Variants in DOCK9 observed in about 807,000 individuals in gnomAD.
DOCK9 encodes the protein dedicator of cytokinesis 9, also known as dedicator of cytokinesis protein 9.
Under a neutral mutation model 263.3 loss-of-function variants are expected in DOCK9, and 89 were observed. The ratio of observed to expected loss-of-function variants is 0.34; its 90% CI spans 0.28 to 0.40. The LOEUF (loss-of-function observed/expected upper bound fraction) is 0.40. DOCK9 is among the 10% of genes least tolerant of loss of function. The pLI, the probability that DOCK9 is intolerant of heterozygous loss-of-function variation, is 1.00. For missense variants in DOCK9, 2,140 were observed against 2,603.4 expected (o/e 0.82, Z 3.87); for synonymous variants, 976 against 973.1 (o/e 1.00, Z -0.06).
Position 98,984,708 on chromosome 13 carries a change from C to T in DOCK9, c.130-29157G>A, listed in dbSNP as rs372305549. Among the ~76,000 whole-genome samples, 254 of 152,246 alleles carry T rather than the reference C, an allele frequency of 1.7e-3. 9 individuals are homozygous for T. In the South Asian group the frequency reaches 0.048, roughly 29 times the overall value. On this transcript the variant is annotated intron_variant, in intron 1 of 32. Transcript: ENST00000427887. Reference sequence around the variant, plus strand: ...GAGGAAGCTCATGCTGGGGTTCTAGCCACTCACTATGCCCCACAACAGCTG... The same window carrying T: ...GAGGAAGCTCATGCTGGGGTTCTAGTCACTCACTATGCCCCACAACAGCTG...
intron 2 of DOCK9, 117 bp downstream of exon 2, chr13:98,955,318 C>CAAA: frequency 4.6e-6 from 3 of 653,444 alleles, no homozygotes; most frequent in Non-Finnish European, 6.9e-6. Flanking sequence ...GACTGTGTCT[C>CAAA]AAAAAAAATA....
chr13:98,973,402 G>T (rs531968316), intron 1 of DOCK9, among the ~76,000 whole-genome samples: 3 of 152,130 alleles, frequency 2.0e-5, no homozygotes, highest in Non-Finnish European at 4.4e-5. Context: ...TCCCAGATAA[G>T]GTACTGGTGT....
At chr13:98,913,662 G>A (rs1230998434) in intron 9 of DOCK9, among the ~76,000 whole-genome samples, 1 of 152,162 alleles carries the variant, frequency 6.6e-6, no homozygotes, top group Non-Finnish European at 1.5e-5. Context: ...TGTGGGAGAA[G>A]AAGAGAATGG....
chr13:98,850,476 A>C (rs950924587), intron 35 of DOCK9, among the ~76,000 whole-genome samples: 2 of 152,248 alleles, frequency 1.3e-5, no homozygotes, highest in African/African-American at 4.8e-5. Flanking sequence ...CTCCTACTAC[A>C]GGATCTCTCC....
intron 1 of DOCK9, among the ~76,000 whole-genome samples, chr13:99,061,837 A>C (rs1056015944): frequency 4.6e-5 from 7 of 151,956 alleles, no homozygotes; most frequent in Non-Finnish European, 8.8e-5. Context: ...TTGCTCATGT[A>C]ATAAGAGAGG....
At chr13:99,087,640 A>G (rs538532421), upstream of DOCK9, among the ~76,000 whole-genome samples, 2 of 152,312 alleles carry the variant, frequency 1.3e-5, no homozygotes, top group African/African-American at 4.8e-5. Context: ...CTCTCTGAGG[A>G]AGCCCGGCGC....
chr13:98,896,447 T>C (rs1360893934), intron 15 of DOCK9, among the ~76,000 whole-genome samples: 1 of 151,270 alleles, frequency 6.6e-6, no homozygotes, highest in Non-Finnish European at 1.5e-5. Flanking sequence ...CAATCATTCT[T>C]GAGTTCTAGA....
chr13:99,055,599 T>C (rs1036932534), intron 1 of DOCK9, among the ~76,000 whole-genome samples: 2 of 152,110 alleles, frequency 1.3e-5, no homozygotes, highest in African/African-American at 2.4e-5. Flanking sequence ...GGAATGTGGA[T>C]TGGGATTTTA....
intron 1 of DOCK9, among the ~76,000 whole-genome samples, chr13:99,014,953 A>G (rs141632307): frequency 7.1e-4 from 108 of 152,292 alleles, no homozygotes; most frequent in African/African-American, 2.3e-3. Context: ...AAAACTATAA[A>G]TATTTGTCTC....
chr13:98,953,209 T>A (rs2057652372), intron 2 of DOCK9, among the ~76,000 whole-genome samples: 1 of 152,212 alleles, frequency 6.6e-6, no homozygotes, highest in Non-Finnish European at 1.5e-5. Flanking sequence ...TCACAATTCC[T>A]GTGATGAGGA....
intron 1 of DOCK9, among the ~76,000 whole-genome samples, chr13:99,048,265 G>A (rs937473315): frequency 4.6e-5 from 7 of 152,104 alleles, no homozygotes; most frequent in Admixed American, 2.0e-4. Context: ...TTCCAGTTTT[G>A]GAGTAAGAAG....
intron 13 of DOCK9, among the ~76,000 whole-genome samples, chr13:98,900,923 G>T (rs1216912540): frequency 6.6e-6 from 1 of 152,222 alleles, no homozygotes. Flanking sequence ...AGCCTCTGGG[G>T]TATCCACTCC....
chr13:98,887,703 G>C (rs905323539), intron 18 of DOCK9, among the ~76,000 whole-genome samples: 4 of 144,622 alleles, frequency 2.8e-5, no homozygotes, highest in Non-Finnish European at 6.0e-5. Context: ...ACACACACTA[G>C]AGCAGTGCCT....
rs1159523196 is a variant in DOCK9 at position 99,070,575 on chromosome 13, G to A, written c.129+15648C>T. On this transcript the variant is annotated intron_variant, in intron 1 of 32. Coordinates refer to the DOCK9 transcript ENST00000427887. Reference sequence around the variant, plus strand: ...AATAACCACAGCTTGCACTTAGTGAGTATTTACTGTGTGCCAGGCCCCATT... The same window carrying A: ...AATAACCACAGCTTGCACTTAGTGAATATTTACTGTGTGCCAGGCCCCATT... Among the ~76,000 whole-genome samples, 3 of 152,200 alleles carry A rather than the reference G, an allele frequency of 2.0e-5. No individual in the cohort carries two copies. In the East Asian group the frequency reaches 5.8e-4, roughly 29 times the overall value.
At chr13:98,869,950 T>C (rs938738574) in intron 27 of DOCK9, among the ~76,000 whole-genome samples, 2 of 152,228 alleles carry the variant, frequency 1.3e-5, no homozygotes, top group Admixed American at 6.5e-5. Flanking sequence ...TTGGAGGAGC[T>C]TGAGTCACTG....
At chr13:98,902,896 A>T in intron 11 of DOCK9, 76 bp downstream of exon 11, 2 of 1,324,994 alleles carry the variant, frequency 1.5e-6, no homozygotes, top group Non-Finnish European at 2.0e-6. Flanking sequence ...TTTCTTATCC[A>T]GGCTGCACTG....
chr13:99,048,519 C>A (rs992461012), intron 1 of DOCK9, among the ~76,000 whole-genome samples: 1 of 152,220 alleles, frequency 6.6e-6, no homozygotes, highest in African/African-American at 2.4e-5. Flanking sequence ...GGTGGCCTGG[C>A]TCACCCACTC....
intron 44 of DOCK9, 30 bp downstream of exon 44, chr13:98,826,800 A>G (rs1340101735): frequency 6.4e-7 from 1 of 1,568,074 alleles, no homozygotes; most frequent in Non-Finnish European, 8.7e-7. Context: ...ATACTAATTA[A>G]TTTCACAAAA....
At chr13:98,861,245 G>A (rs2093861374) in intron 32 of DOCK9, among the ~76,000 whole-genome samples, 1 of 152,172 alleles carries the variant, frequency 6.6e-6, no homozygotes, top group Non-Finnish European at 1.5e-5. Flanking sequence ...CTATACACAC[G>A]GCTCAGCTCA....
Sources: gnomAD v4.1 joint callset for allele counts (sites outside exome capture counted in the v4.1 genomes callset) on GRCh38, gnomAD v4.1.1 for gene constraint, MANE v1.5 for transcripts, NCBI Gene and HGNC (gene_info 2026-07-23, HGNC 2026-07-21) for gene names.